Variants in MARCHF1 observed in about 807,000 individuals in gnomAD.
MARCHF1 encodes membrane associated ring-CH-type finger 1.
MARCHF1 carries 40 observed loss-of-function variants against 54.2 expected under a neutral mutation model. The ratio of observed to expected loss-of-function variants is 0.74; its 90% confidence interval spans 0.57 to 0.96. MARCHF1 has a LOEUF of 0.96. Among genes scored for constraint, MARCHF1 ranks in the 40% least tolerant of loss-of-function variants. The pLI, the probability that MARCHF1 is intolerant of heterozygous loss-of-function variation, is 0.00. For missense variants in MARCHF1, 586 were observed against 656.5 expected (o/e 0.89, Z 1.17); for synonymous variants, 236 against 236.3 (o/e 1.00, Z 0.01).
intron 7 of MARCHF1, among the ~76,000 whole-genome samples, chr4:163,606,828 G>T (rs1329405384): frequency 6.6e-6 from 1 of 151,984 alleles, no homozygotes; most frequent in Non-Finnish European, 1.5e-5. Context: ...TCCCATTCAA[G>T]GACTTAGTCC....
chr4:164,020,767 CA>C (rs1167254577), intron 2 of MARCHF1, among the ~76,000 whole-genome samples: 1 of 152,092 alleles, frequency 6.6e-6, no homozygotes, highest in Non-Finnish European at 1.5e-5. Flanking sequence ...CCCATCTCTA[CA>C]AAAAATACAA....
intron 3 of MARCHF1, among the ~76,000 whole-genome samples, chr4:163,976,374 T>C (rs1002548282): frequency 1.6e-4 from 25 of 152,194 alleles, no homozygotes; most frequent in African/African-American, 4.6e-4. Context: ...AATGAGGTGA[T>C]ACTTTAGAGG....
intron 4 of MARCHF1, among the ~76,000 whole-genome samples, chr4:163,735,261 C>T (rs1746002258): frequency 2.0e-5 from 3 of 152,140 alleles, no homozygotes; most frequent in African/African-American, 7.2e-5. Context: ...ATCTTATCAC[C>T]ACCTGGTATT....
intron 1 of MARCHF1, among the ~76,000 whole-genome samples, chr4:164,171,555 G>A (rs1442290467): frequency 6.6e-6 from 1 of 151,586 alleles, no homozygotes; most frequent in African/African-American, 2.4e-5. Context: ...TAAAATCAAA[G>A]TTATTGCACC....
intron 1 of MARCHF1, among the ~76,000 whole-genome samples, chr4:164,203,804 T>C (rs750940638): frequency 4.6e-5 from 7 of 152,114 alleles, no homozygotes; most frequent in Non-Finnish European, 7.4e-5. Context: ...GTAGACATCA[T>C]TGTGAAGTAA....
At chr4:164,324,618 CAA>C (rs1209862553) in intron 1 of MARCHF1, among the ~76,000 whole-genome samples, 9 of 151,128 alleles carry the variant, frequency 6.0e-5, no homozygotes, top group South Asian at 2.1e-4. Context: ...TCCATTTTAG[CAA>C]AGAGTGAAAA....
chr4:163,721,805 GT>G (rs1023689236), intron 4 of MARCHF1, among the ~76,000 whole-genome samples: 19 of 152,124 alleles, frequency 1.2e-4, no homozygotes, highest in African/African-American at 4.3e-4. Flanking sequence ...AGATTTTCTA[GT>G]TTGCTTGCGT....
chr4:164,226,678 A>T (rs1265446974), intron 1 of MARCHF1, among the ~76,000 whole-genome samples: 2 of 150,942 alleles, frequency 1.3e-5, no homozygotes, highest in Non-Finnish European at 3.0e-5. Context: ...TATATATATA[A>T]AATATATATA....
At chr4:164,254,471 A>C (rs944471977) in intron 1 of MARCHF1, among the ~76,000 whole-genome samples, 16 of 151,404 alleles carry the variant, frequency 1.1e-4, no homozygotes, top group African/African-American at 3.9e-4. Flanking sequence ...ATGATAGTTT[A>C]CACACACATA....
chr4:164,371,408 C>G (rs987256159), intron 1 of MARCHF1, among the ~76,000 whole-genome samples: 6 of 152,008 alleles, frequency 3.9e-5, no homozygotes, highest in African/African-American at 1.4e-4. Flanking sequence ...CTGAGCATAA[C>G]AAAATTTCAA....
intron 3 of MARCHF1, among the ~76,000 whole-genome samples, chr4:163,866,466 T>TATATATATATATATATATATATATATA (rs71600641): frequency 1.6e-5 from 2 of 124,402 alleles, no homozygotes; most frequent in Non-Finnish European, 3.6e-5. Flanking sequence ...AAAGCTGTAG[T>TATATATATATATATATATATATATATA]TATATATATA....
chr4:164,201,018 AG>A (rs1188397637), intron 1 of MARCHF1, among the ~76,000 whole-genome samples: 1 of 152,232 alleles, frequency 6.6e-6, no homozygotes, highest in Non-Finnish European at 1.5e-5. Flanking sequence ...AAAGAAAATC[AG>A]GTCGACTTGC....
chr4:164,092,783 A>T (rs1755331986), intron 2 of MARCHF1, among the ~76,000 whole-genome samples: 1 of 152,190 alleles, frequency 6.6e-6, no homozygotes, highest in Non-Finnish European at 1.5e-5. Context: ...GATAAAGAAG[A>T]AAGTTACGTT....
chr4:164,103,267 A>C (rs1328956822), intron 2 of MARCHF1, among the ~76,000 whole-genome samples: 9 of 75,210 alleles, frequency 1.2e-4, no homozygotes, highest in Non-Finnish European at 2.6e-4. Flanking sequence ...AGGTGGACCT[A>C]ATAGACATCT....
intron 5 of MARCHF1, among the ~76,000 whole-genome samples, chr4:163,656,635 A>G (rs758012485): frequency 6.6e-6 from 1 of 152,132 alleles, no homozygotes; most frequent in African/African-American, 2.4e-5. Flanking sequence ...ATCCTTGATG[A>G]ACATCGATGC....
At chr4:163,865,463 A>G (rs537404012) in intron 3 of MARCHF1, among the ~76,000 whole-genome samples, 6 of 151,996 alleles carry the variant, frequency 3.9e-5, no homozygotes, top group African/African-American at 1.2e-4. Flanking sequence ...CTTAAAAGCC[A>G]TTGGAATGAT....
At chr4:164,368,645 A>T (rs1446387700) in intron 1 of MARCHF1, among the ~76,000 whole-genome samples, 1 of 152,232 alleles carries the variant, frequency 6.6e-6, no homozygotes, top group African/African-American at 2.4e-5. Context: ...GCACATAATG[A>T]CCAACCAGGA....
chr4:163,759,185 CT>C (rs140017441), intron 4 of MARCHF1, among the ~76,000 whole-genome samples: 1,775 of 145,264 alleles, frequency 0.012, 43 homozygotes, highest in African/African-American at 0.042. Flanking sequence ...AAGTAGAGAC[CT>C]TTTTTTTTTA....
intron 1 of MARCHF1, among the ~76,000 whole-genome samples, chr4:164,220,635 T>A: frequency 6.8e-6 from 1 of 146,042 alleles, no homozygotes; most frequent in East Asian, 2.0e-4. Context: ...ATGTAATATA[T>A]ATGCTATATA....
Sources: gnomAD v4.1 joint callset for allele counts (sites outside exome capture counted in the v4.1 genomes callset) on GRCh38, gnomAD v4.1.1 for gene constraint, MANE v1.5 for transcripts, NCBI Gene and HGNC (gene_info 2026-07-23, HGNC 2026-07-21) for gene names.